Variants in RNF182 observed in about 807,000 individuals in gnomAD.
RNF182 encodes the protein E3 ubiquitin-protein ligase RNF182.
Under a neutral mutation model 14.4 loss-of-function variants are expected in RNF182, and 15 were observed. That is an observed-to-expected ratio of 1.04 (90% CI 0.70 to 1.60). RNF182 has a LOEUF of 1.60. Ranked by LOEUF, RNF182 falls within the 40% of genes most tolerant of loss-of-function variation. RNF182 has a pLI of 0.00. For synonymous variants in RNF182, 128 were observed against 122.9 expected (o/e 1.04, Z -0.27); for missense variants, 268 against 294.8 (o/e 0.91, Z 0.67).
intron 1 of RNF182, among the ~76,000 whole-genome samples, chr6:13,969,327 C>T (rs546517519): frequency 5.9e-5 from 9 of 151,992 alleles, no homozygotes; most frequent in Non-Finnish European, 1.0e-4. Flanking sequence ...TTGAGAAGTC[C>T]GGTTTGGGTC....
intron 1 of RNF182, among the ~76,000 whole-genome samples, chr6:13,965,371 G>C (rs898385358): frequency 1.3e-5 from 2 of 152,058 alleles, no homozygotes; most frequent in African/African-American, 4.8e-5. Context: ...AAGCCAGAAA[G>C]AGAAAAAGGA....
At chr6:13,926,824 A>G (rs1758842560) in intron 1 of RNF182, among the ~76,000 whole-genome samples, 1 of 151,322 alleles carries the variant, frequency 6.6e-6, no homozygotes, top group East Asian at 1.9e-4. Flanking sequence ...CCAACAGAAC[A>G]GCTTTATTCA....
At position 13,977,656 on chromosome 6, in the gene RNF182, GA is replaced by G; in HGVS notation, c.538del (p.Thr180HisfsTer6). The G allele has an allele frequency of 1.2e-6, 2 of 1,614,208 alleles. No individual in the cohort carries two copies. Among genetic ancestry groups the G allele is most frequent in the Non-Finnish European group, 1.7e-6 (2 of 1,180,036 alleles). On this transcript the variant is annotated frameshift_variant, in exon 3 of 3. Transcript: ENST00000488300. LOFTEE classifies it high-confidence loss of function. ...VWNCTSLLFQ[T>X]SIRVLVWLLG... ...GGAACTGCACGTCCCTGCTGTTTCA[GA>G]CATCCATCCGGGTGTTAGTGTGGTT...
chr6:13,929,352 C>T lies in RNF182; in HGVS notation c.-367+4329C>T, dbSNP rs1400837337. Reference sequence around the variant, plus strand: ...TATAGCTATAGTCATTCAAGGCAGACATGGTGTTTTACATAATTTGATCAC... The same window carrying T: ...TATAGCTATAGTCATTCAAGGCAGATATGGTGTTTTACATAATTTGATCAC... On this transcript the variant is annotated intron_variant, in intron 1 of 2. Transcript: ENST00000488300. 3.9e-5 allele frequency among the ~76,000 whole-genome samples: 6 copies of T among 152,188 alleles called. No individual in the cohort carries two copies. In the East Asian group the frequency reaches 1.2e-3, roughly 29 times the overall value.
At chr6:13,937,902 T>C (rs1033177776) in intron 1 of RNF182, among the ~76,000 whole-genome samples, 1 of 152,208 alleles carries the variant, frequency 6.6e-6, no homozygotes, top group South Asian at 2.1e-4. Context: ...ATAAGTGATA[T>C]TGAGCATTTT....
intron 1 of RNF182, among the ~76,000 whole-genome samples, chr6:13,947,691 A>G (rs1759474612): frequency 6.6e-6 from 1 of 152,166 alleles, no homozygotes; most frequent in South Asian, 2.1e-4. Flanking sequence ...TTTACTTGCT[A>G]CAGGTCAGGA....
At chr6:13,943,946 C>T (rs1484451826) in intron 1 of RNF182, among the ~76,000 whole-genome samples, 3 of 152,136 alleles carry the variant, frequency 2.0e-5, no homozygotes, top group African/African-American at 7.2e-5. Context: ...AAACAAACTT[C>T]TTGTATCCTT....
chr6:13,967,447 G>A (rs2113639579), intron 1 of RNF182, among the ~76,000 whole-genome samples: 1 of 152,268 alleles, frequency 6.6e-6, no homozygotes, highest in South Asian at 2.1e-4. Flanking sequence ...TCTCTCACTT[G>A]TTTTGACCTG....
At chr6:13,947,373 C>T (rs1759465032) in intron 1 of RNF182, among the ~76,000 whole-genome samples, 1 of 152,158 alleles carries the variant, frequency 6.6e-6, no homozygotes, top group African/African-American at 2.4e-5. Context: ...CATGGTAGGA[C>T]TGATTTGTTG....
intron 1 of RNF182, among the ~76,000 whole-genome samples, chr6:13,945,737 C>T (rs1759422757): frequency 6.6e-6 from 1 of 152,166 alleles, no homozygotes; most frequent in Admixed American, 6.5e-5. Flanking sequence ...TCCATTACTG[C>T]TGTGCCTTAA....
In RNF182 at chr6:13,970,514, A is replaced by G. The variant is rs114445438; in HGVS notation, c.-366-3696A>G. On this transcript the variant is annotated intron_variant, in intron 1 of 2. Coordinates refer to ENST00000488300, the MANE Select transcript of RNF182 (RefSeq NM_152737.4). ...TGATGGGCACATAGCTTGATTCCAT[A>G]TCTTTGCTATTGTGGATAGTCCTGC... is the stretch of plus-strand genomic sequence containing the variant. Among the ~76,000 whole-genome samples the G allele has an allele frequency of 1.4e-3, 215 of 152,258 alleles. 1 individual carries two copies. The highest frequency in any genetic ancestry group is 4.9e-3 in the African/African-American group (204 of 41,558).
At position 13,963,683 on chromosome 6, in the gene RNF182, C is replaced by T. The variant is rs1011264132; in HGVS notation, c.-366-10527C>T. Among the ~76,000 whole-genome samples, 11 of 152,122 alleles carry T rather than the reference C, an allele frequency of 7.2e-5. No individual in the cohort carries two copies. In the East Asian group the frequency reaches 2.1e-3, roughly 29 times the overall value. On this transcript the variant is annotated intron_variant, in intron 1 of 2. Coordinates refer to ENST00000488300, the MANE Select transcript of RNF182 (RefSeq NM_152737.4). ...CTTCTTTGATGGTGGTCTCAGAATT[C>T]CAAGAGAGCAAGAGCAGAAGCTTCA...
chr6:13,931,426 G>A (rs772565365), intron 1 of RNF182, among the ~76,000 whole-genome samples: 8 of 152,124 alleles, frequency 5.3e-5, no homozygotes, highest in Non-Finnish European at 1.0e-4. Flanking sequence ...TTAGGATGCC[G>A]AAGGTCTGGA....
At chr6:13,956,926 A>G (rs1020851392) in intron 1 of RNF182, among the ~76,000 whole-genome samples, 18 of 151,218 alleles carry the variant, frequency 1.2e-4, no homozygotes, top group African/African-American at 4.4e-4. Context: ...CCCCCACCAT[A>G]CACACACACC....
At chr6:13,961,386 G>A (rs955747468) in intron 1 of RNF182, 1 of 152,146 alleles carries the variant, frequency 6.6e-6, no homozygotes, top group African/African-American at 2.4e-5. Context: ...CACTTTGTGA[G>A]GCAGGTGTTG....
chr6:13,971,402 G>A (rs1760179679), intron 1 of RNF182, among the ~76,000 whole-genome samples: 1 of 152,148 alleles, frequency 6.6e-6, no homozygotes, highest in Non-Finnish European at 1.5e-5. Context: ...ATGTGAAATT[G>A]TGAGTCCATT....
intron 1 of RNF182, among the ~76,000 whole-genome samples, chr6:13,968,906 C>T (rs1353512922): frequency 6.6e-6 from 1 of 152,024 alleles, no homozygotes; most frequent in African/African-American, 2.4e-5. Context: ...TAAGTAGGAA[C>T]CTAGATCTAA....
chr6:13,934,949 C>T (rs7764529), intron 1 of RNF182, among the ~76,000 whole-genome samples: 18 of 152,044 alleles, frequency 1.2e-4, no homozygotes, highest in East Asian at 1.9e-4. Context: ...AGATGAAATG[C>T]GGTTAGAAAG....
Position 13,978,934 on chromosome 6 carries a change from A to G in RNF182, c.*1071A>G, listed in dbSNP as rs1474738551. 6.0e-6 allele frequency: 1 copy of G among 167,078 alleles called. No homozygotes were observed. The highest frequency in any genetic ancestry group is 1.9e-4 in the East Asian group (1 of 5,196). 10.3% of individuals were successfully genotyped at this position (167,078 alleles called of 1,614,324 possible). A position where few individuals can be genotyped will look rare whatever the true frequency, so the allele number is the denominator to read the frequency against. The stretch of plus-strand genomic sequence containing the variant: ...ATTTTGCTGTACGGTACTGAGCTGT[A>G]CCAAAATATGATGGTTTAGGTTTAT... On this transcript the variant is annotated 3_prime_UTR_variant, in exon 3 of 3. Transcript: ENST00000488300.
Sources: gnomAD v4.1 joint callset for allele counts (sites outside exome capture counted in the v4.1 genomes callset) on GRCh38, gnomAD v4.1.1 for gene constraint, MANE v1.5 for transcripts, NCBI Gene and HGNC (gene_info 2026-07-23, HGNC 2026-07-21) for gene names.